Variants in MARCHF4 observed in about 807,000 individuals in gnomAD.
MARCHF4 encodes E3 ubiquitin-protein ligase MARCHF4.
In MARCHF4, 14 loss-of-function variants were observed where a neutral mutation model predicts 43.9. The ratio of observed to expected loss-of-function variants is 0.32; its 90% CI spans 0.21 to 0.50. MARCHF4 has a LOEUF of 0.50. MARCHF4 is among the 20% of genes least tolerant of loss of function. The pLI is 0.98. For synonymous variants in MARCHF4, 226 were observed against 213.3 expected, an observed-to-expected ratio of 1.06 and a Z score of -0.52; for missense variants, 468 against 536.7, an observed-to-expected ratio of 0.87 and a Z score of 1.27.
intron 1 of MARCHF4, among the ~76,000 whole-genome samples, chr2:216,314,157 T>C (rs764499886): frequency 2.6e-5 from 4 of 152,200 alleles, no homozygotes; most frequent in Non-Finnish European, 5.9e-5. Context: ...AAATTCTAGA[T>C]GGATTTAGCA....
chr2:216,365,240 G>T (rs1230091426), intron 1 of MARCHF4, among the ~76,000 whole-genome samples: 1 of 152,214 alleles, frequency 6.6e-6, no homozygotes, highest in Non-Finnish European at 1.5e-5. Context: ...ACACTGACTA[G>T]ACTACTCTAT....
At chr2:216,273,430 T>C (rs1268951726) in intron 3 of MARCHF4, among the ~76,000 whole-genome samples, 1 of 152,262 alleles carries the variant, frequency 6.6e-6, no homozygotes, top group Non-Finnish European at 1.5e-5. Context: ...TTTCTCCTGA[T>C]GATAACATTT....
intron 1 of MARCHF4, among the ~76,000 whole-genome samples, chr2:216,287,644 G>C (rs1031268107): frequency 8.3e-6 from 1 of 120,372 alleles, no homozygotes; most frequent in Non-Finnish European, 1.7e-5. Flanking sequence ...GTTGTGGGGT[G>C]GGGGGAGGGG....
chr2:216,336,981 G>A (rs959171771), intron 1 of MARCHF4, among the ~76,000 whole-genome samples: 3 of 151,648 alleles, frequency 2.0e-5, no homozygotes, highest in South Asian at 4.2e-4. Flanking sequence ...GTGAAACCCC[G>A]TCTCTACTAA....
At chr2:216,356,749 G>T (rs139615377) in intron 1 of MARCHF4, among the ~76,000 whole-genome samples, 1 of 152,074 alleles carries the variant, frequency 6.6e-6, no homozygotes, top group East Asian at 1.9e-4. Flanking sequence ...TAGGCCGGGC[G>T]TAGTGGCTCA....
At chr2:216,352,233 C>G (rs905835589) in intron 1 of MARCHF4, among the ~76,000 whole-genome samples, 5 of 152,184 alleles carry the variant, frequency 3.3e-5, no homozygotes, top group African/African-American at 1.2e-4. Flanking sequence ...AGTGATCACC[C>G]CAAATGGAGG....
chr2:216,259,487 C>A lies in MARCHF4; in HGVS notation c.1058G>T (p.Gly353Val). 3 of 1,614,162 alleles carry A rather than the reference C, an allele frequency of 1.9e-6. No individual in the cohort carries two copies. The East Asian group carries it at 6.7e-5, about 36-fold the overall frequency. Residue 353 changes from glycine (G) to valine (V), a missense_variant, in exon 4 of 4, where the codon GGC (glycine) becomes GTC (valine). Physicochemically the swap from Gly to Val is moderately radical, Grantham distance 109. Around this residue, in one of 3 missense-constraint regions of MARCHF4, gnomAD observed 120 missense variants for 127.1 expected, o/e 0.94. Transcript: ENST00000273067. ...AGGGCCCTGCTCAGGGGCAGGGGTG[C>A]CTGCGGTCTCCTCTTCCGAGGAGGG... ...NIPSSEEETAGTPAPEQGPAQ... is the reference protein window; with the variant it reads ...NIPSSEEETAVTPAPEQGPAQ...
intron 1 of MARCHF4, among the ~76,000 whole-genome samples, chr2:216,357,269 A>T (rs976919704): frequency 6.6e-6 from 1 of 151,962 alleles, no homozygotes; most frequent in Non-Finnish European, 1.5e-5. Flanking sequence ...ATCACCTTAG[A>T]CTCTTCCAAT....
chr2:216,348,332 C>G (rs975002566), intron 1 of MARCHF4, among the ~76,000 whole-genome samples: 1 of 152,094 alleles, frequency 6.6e-6, no homozygotes, highest in South Asian at 2.1e-4. Context: ...AGCCACCGTG[C>G]CTGGCCGGTT....
chr2:216,322,220 A>G (rs1039649280), intron 1 of MARCHF4, among the ~76,000 whole-genome samples: 1 of 152,234 alleles, frequency 6.6e-6, no homozygotes, highest in Non-Finnish European at 1.5e-5. Flanking sequence ...AGCAGGACCA[A>G]CTTACCAGGA....
At chr2:216,347,955 C>A (rs1574484752) in intron 1 of MARCHF4, among the ~76,000 whole-genome samples, 1 of 149,498 alleles carries the variant, frequency 6.7e-6, no homozygotes, top group Non-Finnish European at 1.5e-5. Flanking sequence ...TTAACCAGAG[C>A]AACTCCATCT....
At chr2:216,363,363 C>T (rs1692616776) in intron 1 of MARCHF4, among the ~76,000 whole-genome samples, 1 of 152,248 alleles carries the variant, frequency 6.6e-6, no homozygotes, top group African/African-American at 2.4e-5. Flanking sequence ...CCCCTCCTCT[C>T]ATTCCCAGTT....
chr2:216,345,131 A>G (rs1375465281), intron 1 of MARCHF4, among the ~76,000 whole-genome samples: 1 of 152,018 alleles, frequency 6.6e-6, no homozygotes, highest in Non-Finnish European at 1.5e-5. Context: ...CAAGTAAAGA[A>G]ACAAAAGAAA....
rs377071130 is a variant in MARCHF4 at position 216,259,269 on chromosome 2, G to A, written c.*43C>T. ...CACTGCACCTCCCCACCCTGCTCCG[G>A]GCCCTCAGTGGTGGTCATGGCCTTC... On this transcript the variant is annotated 3_prime_UTR_variant, in exon 4 of 4. Transcript: ENST00000273067. 75 of 1,505,394 alleles carry A rather than the reference G, an allele frequency of 5.0e-5. No individual in the cohort carries two copies. Among genetic ancestry groups the A allele is most frequent in the Non-Finnish European group, 5.9e-5 (67 of 1,127,928 alleles). The allele number at this position is 1,505,394 out of a possible 1,614,324, so 93.3% of individuals were successfully genotyped here. A position where few individuals can be genotyped will look rare whatever the true frequency, so the allele number is the denominator to read the frequency against.
At chr2:216,268,928 A>G (rs1311953107) in intron 3 of MARCHF4, among the ~76,000 whole-genome samples, 1 of 152,144 alleles carries the variant, frequency 6.6e-6, no homozygotes, top group East Asian at 1.9e-4. Context: ...TCCTCTGCCT[A>G]TTTGCTATAA....
rs201683040 is a variant in MARCHF4, at chr2:216,300,350, G to GTATATATATATATA, written c.517-16635_517-16622dup. Among the ~76,000 whole-genome samples, 314 of 115,788 alleles carry GTATATATATATATA rather than the reference G, an allele frequency of 2.7e-3. 1 individual carries two copies. Among genetic ancestry groups the GTATATATATATATA allele is most frequent in the African/African-American group, 0.011 (299 of 28,358 alleles). 76.0% of individuals were successfully genotyped at this position (115,788 alleles called of 152,430 possible). A position where few individuals can be genotyped will look rare whatever the true frequency, so the allele number is the denominator to read the frequency against. ...TATGTCCATCTCGATATATATATATGTATATATATATATATATATGACTTA... is the reference window on the plus strand; with the variant it reads ...TATGTCCATCTCGATATATATATATGTATATATATATATATATATATATATATATATATGACTTA... On this transcript the variant is annotated intron_variant, in intron 1 of 3. Transcript: ENST00000273067.
intron 3 of MARCHF4, among the ~76,000 whole-genome samples, chr2:216,269,041 A>C (rs1349368835): frequency 1.1e-4 from 16 of 152,138 alleles, no homozygotes; most frequent in South Asian, 2.1e-4. Context: ...TTAAAAAAAA[A>C]CAAAACTTTC....
intron 1 of MARCHF4, among the ~76,000 whole-genome samples, chr2:216,344,895 C>A (rs575640474): frequency 6.6e-6 from 1 of 151,702 alleles, no homozygotes; most frequent in African/African-American, 2.4e-5. Flanking sequence ...GGGAAGGAGG[C>A]CGGGTGCTTC....
At chr2:216,306,353 C>T (rs1179328815) in intron 1 of MARCHF4, among the ~76,000 whole-genome samples, 1 of 152,184 alleles carries the variant, frequency 6.6e-6, no homozygotes, top group African/African-American at 2.4e-5. Context: ...TAGGCATTAA[C>T]CACTTGATAA....
Sources: gnomAD v4.1 joint callset for allele counts (sites outside exome capture counted in the v4.1 genomes callset) on GRCh38, gnomAD v4.1.1 for gene constraint, gnomAD v4.1.1 regional missense constraint, MANE v1.5 for transcripts, NCBI Gene and HGNC (gene_info 2026-07-23, HGNC 2026-07-21) for gene names.